ZXDA: variants seen among roughly 807,000 people sequenced by gnomAD.
The protein encoded by ZXDA is zinc finger X-linked protein ZXDA.
A neutral mutation model predicts 10.1 loss-of-function variants in ZXDA; 5 were observed. The observed-to-expected ratio is 0.50, with a 90% confidence interval of 0.26 to 1.04. ZXDA has a LOEUF of 1.04. ZXDA is among the 50% of genes least tolerant of loss of function. The pLI is 0.14. For synonymous variants in ZXDA, 266 were observed against 313.1 expected, an observed-to-expected ratio of 0.85 and a Z score of 1.59; for missense variants, 501 against 672.4, an observed-to-expected ratio of 0.75 and a Z score of 2.82.
In ZXDA at chrX:57,909,769, C is replaced by A. The variant is rs1297395072; in HGVS notation, c.652G>T (p.Gly218Cys). 1.7e-6 allele frequency: 2 copies of A among 1,197,564 alleles called. No individual in the cohort carries two copies. Among genetic ancestry groups the A allele is most frequent in the Middle Eastern group, 2.7e-4 (1 of 3,766 alleles). The stretch of plus-strand genomic sequence containing the variant: ...TCGGACCGCAGCTCTGGGCAGTCAC[C>A]CGGGTGCGCGGCTTGCGGGAACCCA... ...QAGFPQAAHP[G>C]DCPELRSDLL... Residue 218 changes from glycine (G) to cysteine (C), a missense_variant, in exon 1 of 1, where the codon GGT (glycine) becomes TGT (cysteine). Transcript: ENST00000358697.
At position 57,909,855 on chromosome X, in the gene ZXDA, T is replaced by C. The variant is rs763458143; in HGVS notation, c.566A>G (p.His189Arg). ...GVLTLATPPP[H>R]AWEPGAAPAQ... Reference sequence around the variant, plus strand: ...AGGAGCGGCCCCTGGCTCCCAGGCGTGTGGTGGGGGCGTGGCCAGGGTGAG... The same window carrying C: ...AGGAGCGGCCCCTGGCTCCCAGGCGCGTGGTGGGGGCGTGGCCAGGGTGAG... Residue 189 changes from histidine (H) to arginine (R), a missense_variant, in exon 1 of 1, where the codon CAC becomes CGC. Coordinates refer to ENST00000358697, the MANE Select transcript of ZXDA (RefSeq NM_007156.5). 4.4e-5 allele frequency: 53 copies of C among 1,198,527 alleles called. 1 individual carries two copies. The highest frequency in any genetic ancestry group is 5.3e-5 in the Non-Finnish European group (47 of 891,264).
rs752510040 is a variant in ZXDA at position 57,908,930 on chromosome X, C to G, written c.1491G>C (p.Leu497=). 8.3e-7 allele frequency: 1 copy of G among 1,211,611 alleles called. No homozygotes were observed. The highest frequency in any genetic ancestry group is 2.2e-5 in the Admixed American group (1 of 46,039). The change falls in exon 1 of 1, where the codon CTG becomes CTC. Residue 497 remains leucine, a synonymous_variant. Coordinates refer to ENST00000358697, the MANE Select transcript of ZXDA (RefSeq NM_007156.5). ...CGKSFTRAEH[L]KGHSITHLGT... ...CCAGGTGGGTAATGCTGTGGCCTTT[C>G]AGATGTTCGGCCCTCGTGAAAGATT...
At position 57,909,209 on chromosome X, in the gene ZXDA, A is replaced by T; in HGVS notation, c.1212T>A (p.Ser404Arg). 8.3e-7 allele frequency: 1 copy of T among 1,211,501 alleles called. No homozygotes were observed. Among genetic ancestry groups the T allele is most frequent in the Non-Finnish European group, 1.1e-6 (1 of 895,442 alleles). Reference protein sequence around the residue: ...SGCKKTFITVSALFSHNRAHF... With the variant: ...SGCKKTFITVRALFSHNRAHF... The stretch of plus-strand genomic sequence containing the variant: ...GGGCGCGGTTATGGGAAAACAGAGC[A>T]CTCACTGTGATAAATGTCTTCTTGC... The change falls in exon 1 of 1, where the codon AGT (serine) becomes AGA (arginine). Residue 404 changes from serine to arginine, a missense_variant. Coordinates refer to ENST00000358697, the MANE Select transcript of ZXDA (RefSeq NM_007156.5).
rs1440887986 is a variant in ZXDA at position 57,909,405 on chromosome X, T to C, written c.1016A>G (p.Lys339Arg). Residue 339 changes from lysine (K) to arginine (R), a missense_variant, in exon 1 of 1, where the codon AAG becomes AGG. Lys to Arg is a conservative substitution (Grantham distance 26). Around this residue, in one of 5 missense-constraint regions of ZXDA, gnomAD observed 171 missense variants for 262.7 expected, o/e 0.65. Transcript: ENST00000358697. ...GAGGTTGTACACGGTGGTGAAGCTC[T>C]TGCCACAGCCCTCCGCAGGGCAGCC... ...PFGCPAEGCGKSFTTVYNLKA... is the reference protein window; with the variant it reads ...PFGCPAEGCGRSFTTVYNLKA... 8.3e-7 allele frequency: 1 copy of C among 1,211,956 alleles called. No homozygotes were observed. Among genetic ancestry groups the C allele is most frequent in the Non-Finnish European group, 1.1e-6 (1 of 895,546 alleles).
rs900255563 is a variant in ZXDA at position 57,905,641 on chromosome X, G to A, written c.*2380C>T. Among the ~76,000 whole-genome samples, 45 of 111,239 alleles carry A rather than the reference G, an allele frequency of 4.0e-4. No homozygotes were observed. Among genetic ancestry groups the A allele is most frequent in the Admixed American group, 3.7e-3 (39 of 10,474 alleles). The stretch of plus-strand genomic sequence containing the variant: ...CATGCCATGTCAACTATCATGGTGG[G>A]ACAACAGTATTGAAAAAGAAATCTT... On this transcript the variant is annotated 3_prime_UTR_variant, in exon 1 of 1. Transcript: ENST00000358697.
chrX:57,910,184 A>T lies in ZXDA; in HGVS notation c.237T>A (p.His79Gln), dbSNP rs376221132. 2 of 1,198,917 alleles carry T rather than the reference A, an allele frequency of 1.7e-6. No individual in the cohort carries two copies. Among genetic ancestry groups the T allele is most frequent in the Non-Finnish European group, 2.2e-6 (2 of 892,764 alleles). ...AGTCGTCGCCGCCGCCGCTAGGTTG[A>T]TGGGGCCTCGGCGCGAACAGGCTTG... ...PGPSLFAPRPHQPSGGGDDFF... is the reference protein window; with the variant it reads ...PGPSLFAPRPQQPSGGGDDFF... The change falls in exon 1 of 1, where the codon CAT becomes CAA. Residue 79 changes from histidine to glutamine, a missense_variant. Coordinates refer to ENST00000358697, the MANE Select transcript of ZXDA (RefSeq NM_007156.5).
At position 57,909,909 on chromosome X, in the gene ZXDA, T is replaced by G; in HGVS notation, c.512A>C (p.Asp171Ala). 5.8e-6 allele frequency: 7 copies of G among 1,197,005 alleles called. No homozygotes were observed. The highest frequency in any genetic ancestry group is 4.5e-6 in the Non-Finnish European group (4 of 890,256). ...FAGTVTIHNQ[D>A]LLLRFENGVL... is the part of the protein sequence containing the mutation. The stretch of plus-strand genomic sequence containing the variant: ...GCCGTTCTCAAAGCGCAACAGCAGG[T>G]CCTGGTTGTGGATAGTGACTGTGCC... Residue 171 changes from aspartate (D) to alanine (A), a missense_variant, in exon 1 of 1, where the codon GAC becomes GCC. Around this residue, in one of 5 missense-constraint regions of ZXDA, gnomAD observed 251 missense variants for 221.6 expected, o/e 1.13. Transcript: ENST00000358697.
At position 57,906,801 on chromosome X, in the gene ZXDA, T is replaced by G. The variant is rs1024780769; in HGVS notation, c.*1220A>C. ...GATTGTGAGGATCAAATATAATAGT[T>G]GTGAAAGTGCTAAATTGTAAAATGC... On this transcript the variant is annotated 3_prime_UTR_variant, in exon 1 of 1. Coordinates refer to ENST00000358697, the MANE Select transcript of ZXDA (RefSeq NM_007156.5). 9.0e-6 allele frequency: 1 copy of G among 111,627 alleles called. No homozygotes were observed. Among genetic ancestry groups the G allele is most frequent in the African/African-American group, 3.3e-5 (1 of 30,656 alleles). The allele number at this position is 111,627 out of a possible 1,213,427, so 9.2% of individuals were successfully genotyped here.
Position 57,909,259 on chromosome X carries a change from G to A in ZXDA, c.1162C>T (p.Pro388Ser). 1.7e-6 allele frequency: 2 copies of A among 1,212,039 alleles called. No individual in the cohort carries two copies. The highest frequency in any genetic ancestry group is 3.5e-5 in the South Asian group (2 of 57,002). ...HQRSHFEPERPYQCAFSGCKK... is the reference protein window; with the variant it reads ...HQRSHFEPERSYQCAFSGCKK... ...CAGCCAGAAAACGCGCACTGGTAAG[G>A]CCTCTCGGGTTCGAAGTGGCTGCGC... The change falls in exon 1 of 1, where the codon CCT becomes TCT. Residue 388 changes from proline (P) to serine (S), a missense_variant. Physicochemically the swap from Pro to Ser is moderately conservative, Grantham distance 74. Around this residue, in one of 5 missense-constraint regions of ZXDA, gnomAD observed 171 missense variants for 262.7 expected, o/e 0.65. Coordinates refer to ENST00000358697, the MANE Select transcript of ZXDA (RefSeq NM_007156.5).
Position 57,908,213 on chromosome X carries a change from C to A in ZXDA, c.2208G>T (p.Ser736=), listed in dbSNP as rs9699133. The part of the protein sequence containing the change: ...LTVDTDTLTP[S]STLCENSVSE... ...AGACACTGTTTTCACAAAGGGTGCTCGAAGGAGTCAGAGTATCTGTGTCCA... is the reference window on the plus strand; with the variant it reads ...AGACACTGTTTTCACAAAGGGTGCTAGAAGGAGTCAGAGTATCTGTGTCCA... The change falls in exon 1 of 1, where the codon TCG becomes TCT. Residue 736 remains serine (S), a synonymous_variant. Coordinates refer to ENST00000358697, the MANE Select transcript of ZXDA (RefSeq NM_007156.5). The A allele has an allele frequency of 0.017, 20,585 of 1,209,246 alleles. 2,154 individuals are homozygous for A. In the African/African-American group the frequency reaches 0.32, roughly 19 times the overall value.
At position 57,909,334 on chromosome X, in the gene ZXDA, C is replaced by T. The variant is rs774141130; in HGVS notation, c.1087G>A (p.Glu363Lys). 1.2e-5 allele frequency: 15 copies of T among 1,210,474 alleles called. No individual in the cohort carries two copies. Among genetic ancestry groups the T allele is most frequent in the Non-Finnish European group, 1.1e-6 (1 of 895,349 alleles). The change falls in exon 1 of 1, where the codon GAG becomes AAG. Residue 363 changes from glutamate (E) to lysine (K), a missense_variant. Around this residue, in one of 5 missense-constraint regions of ZXDA, gnomAD observed 171 missense variants for 262.7 expected, o/e 0.65. Coordinates refer to ENST00000358697, the MANE Select transcript of ZXDA (RefSeq NM_007156.5). ...GHEQENSFKCEVCEESFPTQA... is the reference protein window; with the variant it reads ...GHEQENSFKCKVCEESFPTQA... ...GTGGGGAAGCTCTCCTCGCACACCT[C>T]ACATTTGAACGAGTTCTCCTGCTCA... is the stretch of plus-strand genomic sequence containing the variant.
rs1184894888 is a variant in ZXDA at position 57,907,974 on chromosome X, G to A, written c.*47C>T. 2 of 1,159,702 alleles carry A rather than the reference G, an allele frequency of 1.7e-6. No individual in the cohort carries two copies. The highest frequency in any genetic ancestry group is 3.6e-5 in the African/African-American group (2 of 55,769). ...TTTAGTCCAGAATATCCTCAAAATT[G>A]ACTGTAATAAAAGTTAGCCACATGG... is the stretch of plus-strand genomic sequence containing the variant. On this transcript the variant is annotated 3_prime_UTR_variant, in exon 1 of 1. Coordinates refer to ENST00000358697, the MANE Select transcript of ZXDA (RefSeq NM_007156.5).
rs1344396367 is a variant in ZXDA, at chrX:57,906,956, C to A, written c.*1065G>T. ...AGAAAAATCTCCCTCTGGTCTATGT[C>A]CAGATTGTCTTGGAAGAATAGGCTG... On this transcript the variant is annotated 3_prime_UTR_variant, in exon 1 of 1. Coordinates refer to ENST00000358697, the MANE Select transcript of ZXDA (RefSeq NM_007156.5). The A allele has an allele frequency of 8.9e-6, 1 of 111,902 alleles. No homozygotes were observed. The highest frequency in any genetic ancestry group is 1.9e-5 in the Non-Finnish European group (1 of 53,133). 9.2% of individuals were successfully genotyped at this position (111,902 alleles called of 1,213,427 possible). A position where few individuals can be genotyped will look rare whatever the true frequency, so the allele number is the denominator to read the frequency against.
Position 57,909,534 on chromosome X carries a change from C to T in ZXDA, c.887G>A (p.Gly296Asp), listed in dbSNP as rs1274933098. Residue 296 changes from glycine (G) to aspartate (D), a missense_variant, in exon 1 of 1, where the codon GGC (glycine) becomes GAC (aspartate). Coordinates refer to ENST00000358697, the MANE Select transcript of ZXDA (RefSeq NM_007156.5). ...MHLLTHSSSQ[G>D]QRPFKCPLGG... ...CAGGGGGCATTTGAAGGGCCTCTGG[C>T]CCTGGCTGCTGCTGTGCGTCAGCAG... is the stretch of plus-strand genomic sequence containing the variant. The T allele has an allele frequency of 1.7e-6, 2 of 1,208,182 alleles. No homozygotes were observed. Among genetic ancestry groups the T allele is most frequent in the Non-Finnish European group, 2.2e-6 (2 of 893,818 alleles).
chrX:57,908,180 T>C lies in ZXDA; in HGVS notation c.2241A>G (p.Leu747=). ...STLCENSVSE[L]LTPAKAEWSV... ...TCCACTCCGCTTTGGCTGGTGTCAGTAGTTCTGAGACACTGTTTTCACAAA... is the reference window on the plus strand; with the variant it reads ...TCCACTCCGCTTTGGCTGGTGTCAGCAGTTCTGAGACACTGTTTTCACAAA... Residue 747 remains leucine, a synonymous_variant, in exon 1 of 1, where the codon CTA becomes CTG. Coordinates refer to ENST00000358697, the MANE Select transcript of ZXDA (RefSeq NM_007156.5). The C allele has an allele frequency of 1.7e-6, 2 of 1,211,896 alleles. No individual in the cohort carries two copies. The highest frequency in any genetic ancestry group is 2.2e-6 in the Non-Finnish European group (2 of 895,581).
At position 57,907,546 on chromosome X, in the gene ZXDA, T is replaced by C. The variant is rs375446346; in HGVS notation, c.*475A>G. On this transcript the variant is annotated 3_prime_UTR_variant, in exon 1 of 1. Coordinates refer to ENST00000358697, the MANE Select transcript of ZXDA (RefSeq NM_007156.5). ...ACCAACTCCTATTTTTAGCTCTTTTTTTTTGAGCTCTATCATTAGATTTTC... is the reference window on the plus strand; with the variant it reads ...ACCAACTCCTATTTTTAGCTCTTTTCTTTTGAGCTCTATCATTAGATTTTC... 4 of 112,813 alleles carry C rather than the reference T, an allele frequency of 3.5e-5. No individual in the cohort carries two copies. The highest frequency in any genetic ancestry group is 3.7e-4 in the South Asian group (1 of 2,707). 9.3% of individuals were successfully genotyped at this position (112,813 alleles called of 1,213,427 possible).
In ZXDA at chrX:57,909,704, C is replaced by G. The variant is rs767945497; in HGVS notation, c.717G>C (p.Pro239=). The change falls in exon 1 of 1, where the codon CCG becomes CCC. Residue 239 remains proline (P), a synonymous_variant. Transcript: ENST00000358697. The part of the protein sequence containing the change: ...LAEPAEPAPA[P]APQEEAEGLA... ...GGCCCTCCGCCTCCTCCTGGGGCGC[C>G]GGAGCAGGCGCGGGTTCTGCGGGCT... 8.5e-7 allele frequency: 1 copy of G among 1,179,141 alleles called. No individual in the cohort carries two copies. Among genetic ancestry groups the G allele is most frequent in the Admixed American group, 2.4e-5 (1 of 41,108 alleles).
Position 57,910,319 on chromosome X carries a change from C to T in ZXDA, c.102G>A (p.Ser34=). 1.9e-6 allele frequency: 2 copies of T among 1,041,756 alleles called. No individual in the cohort carries two copies. The allele number at this position is 1,041,756 out of a possible 1,213,427, so 85.9% of individuals were successfully genotyped here. A position where few individuals can be genotyped will look rare whatever the true frequency, so the allele number is the denominator to read the frequency against. The stretch of plus-strand genomic sequence containing the variant: ...GGCGCGTGGGGACCTGGCCAGCCGG[C>T]GAGTCAGGGCCTCGGTGGACTCGGC... The part of the protein sequence containing the change: ...GGGRVHRGPD[S]PAGQVPTRRL... Residue 34 remains serine (S), a synonymous_variant, in exon 1 of 1, where the codon TCG becomes TCA. Transcript: ENST00000358697.
rs1396717724 is a variant in ZXDA at position 57,909,843 on chromosome X, G to A, written c.578C>T (p.Pro193Leu). The A allele has an allele frequency of 6.7e-6, 8 of 1,199,032 alleles. No homozygotes were observed. Among genetic ancestry groups the A allele is most frequent in the Non-Finnish European group, 9.0e-6 (8 of 891,568 alleles). The change falls in exon 1 of 1, where the codon CCA (proline) becomes CTA (leucine). Residue 193 changes from proline (P) to leucine (L), a missense_variant. Physicochemically the swap from Pro to Leu is moderately conservative, Grantham distance 98. Around this residue, in one of 5 missense-constraint regions of ZXDA, gnomAD observed 251 missense variants for 221.6 expected, o/e 1.13. Transcript: ENST00000358697. ...LATPPPHAWE[P>L]GAAPAQQPRC... ...GGGCTGCTGGGCAGGAGCGGCCCCTGGCTCCCAGGCGTGTGGTGGGGGCGT... is the reference window on the plus strand; with the variant it reads ...GGGCTGCTGGGCAGGAGCGGCCCCTAGCTCCCAGGCGTGTGGTGGGGGCGT...
Sources: gnomAD v4.1 joint callset for allele counts (sites outside exome capture counted in the v4.1 genomes callset) on GRCh38, gnomAD v4.1.1 for gene constraint, gnomAD v4.1.1 regional missense constraint, MANE v1.5 for transcripts, NCBI Gene and HGNC (gene_info 2026-07-23, HGNC 2026-07-21) for gene names.